Variants in ZCCHC7 observed in about 807,000 individuals in gnomAD.
ZCCHC7 encodes the protein zinc finger CCHC-type containing 7.
In ZCCHC7, 35 loss-of-function variants were observed where a neutral mutation model predicts 52.0. That is an observed-to-expected ratio of 0.67 (90% CI 0.51 to 0.89). The LOEUF (loss-of-function observed/expected upper bound fraction) is 0.89. Ranked by LOEUF, ZCCHC7 falls within the 40% of genes least tolerant of loss-of-function variation. The pLI is 0.00. For missense variants in ZCCHC7, 574 were observed against 649.1 expected, an observed-to-expected ratio of 0.88 and a Z score of 1.26; for synonymous variants, 217 against 221.5, an observed-to-expected ratio of 0.98 and a Z score of 0.18.
intron 2 of ZCCHC7, chr9:37,284,243 A>C (rs1446043335): frequency 1.3e-5 from 2 of 152,192 alleles, no homozygotes; most frequent in African/African-American, 4.8e-5. Flanking sequence ...ACCATGAGCC[A>C]TTGAGTTTTG....
At chr9:37,133,965 C>G (rs1220387421) in intron 2 of ZCCHC7, among the ~76,000 whole-genome samples, 1 of 152,190 alleles carries the variant, frequency 6.6e-6, no homozygotes, top group Non-Finnish European at 1.5e-5. Context: ...CTCAAGTGAT[C>G]CACCGGCCTT....
chr9:37,327,634 A>G (rs539598386), intron 5 of ZCCHC7, among the ~76,000 whole-genome samples, 165 bp from the exon 6 acceptor site: 1 of 152,246 alleles, frequency 6.6e-6, no homozygotes, highest in African/African-American at 2.4e-5. Context: ...GTAAAATTCA[A>G]TTAAACTGTC....
intron 5 of ZCCHC7, among the ~76,000 whole-genome samples, chr9:37,312,577 T>C (rs1174532791): frequency 2.0e-5 from 3 of 152,342 alleles, no homozygotes; most frequent in Non-Finnish European, 4.4e-5. Context: ...CAAGTAACTG[T>C]GTCTTTTTAT....
chr9:37,284,363 A>G (rs1828112321), intron 2 of ZCCHC7: 1 of 152,236 alleles, frequency 6.6e-6, no homozygotes, highest in Admixed American at 6.5e-5. Flanking sequence ...TTCTCTGTGT[A>G]TATACATATT....
chr9:37,283,714 CTT>C (rs1190207641), intron 2 of ZCCHC7, among the ~76,000 whole-genome samples: 1 of 152,078 alleles, frequency 6.6e-6, no homozygotes, highest in Non-Finnish European at 1.5e-5. Flanking sequence ...AATTCTGACT[CTT>C]ATAAAATTAT....
At chr9:37,330,902 T>C (rs1830425796) in intron 6 of ZCCHC7, among the ~76,000 whole-genome samples, 1 of 151,740 alleles carries the variant, frequency 6.6e-6, no homozygotes. Context: ...TAGTAGAGGC[T>C]ATGATTTGAC....
At chr9:37,174,129 T>C in intron 2 of ZCCHC7, among the ~76,000 whole-genome samples, 1 of 152,072 alleles carries the variant, frequency 6.6e-6, no homozygotes. Flanking sequence ...CTGGCCGATA[T>C]GGTGAAACCC....
At chr9:37,216,873 GTTC>G (rs1824536233) in intron 2 of ZCCHC7, among the ~76,000 whole-genome samples, 1 of 152,028 alleles carries the variant, frequency 6.6e-6, no homozygotes, top group Non-Finnish European at 1.5e-5. Context: ...TTTTTAAAAT[GTTC>G]TTAAGTAGTT....
chr9:37,302,356 G>T, intron 3 of ZCCHC7, 125 bp downstream of exon 3: 1 of 764,536 alleles, frequency 1.3e-6, no homozygotes, highest in Non-Finnish European at 2.1e-6. Context: ...TTTAGCATAT[G>T]AGTGATTTAA....
chr9:37,258,696 G>C (rs1173256933), intron 2 of ZCCHC7, among the ~76,000 whole-genome samples: 1 of 144,348 alleles, frequency 6.9e-6, no homozygotes, highest in African/African-American at 2.6e-5. Flanking sequence ...AGGCTGCAGT[G>C]AGCCGTGATT....
At chr9:37,258,634 G>A (rs1248550772) in intron 2 of ZCCHC7, among the ~76,000 whole-genome samples, 2 of 151,590 alleles carry the variant, frequency 1.3e-5, no homozygotes, top group Admixed American at 6.6e-5. Context: ...GGTAGTCCCA[G>A]CTAGCTCCTT....
intron 2 of ZCCHC7, among the ~76,000 whole-genome samples, chr9:37,281,267 C>T (rs562233306): frequency 2.2e-3 from 341 of 152,282 alleles, no homozygotes; most frequent in African/African-American, 8.1e-3. Flanking sequence ...CCTCCTGCCT[C>T]GGCCTCCCAC....
chr9:37,160,856 A>G (rs1460874494), intron 2 of ZCCHC7, among the ~76,000 whole-genome samples: 1 of 152,144 alleles, frequency 6.6e-6, no homozygotes, highest in Non-Finnish European at 1.5e-5. Flanking sequence ...ATTGCACTCT[A>G]TCCTAGGCGA....
At chr9:37,124,203 G>A (rs1419759812) in intron 1 of ZCCHC7, among the ~76,000 whole-genome samples, 1 of 152,056 alleles carries the variant, frequency 6.6e-6, no homozygotes, top group African/African-American at 2.4e-5. Flanking sequence ...TCTTTAGGCT[G>A]TCCCTGATTT....
Position 37,304,246 on chromosome 9 carries a change from A to G in ZCCHC7, c.713A>G (p.Asn238Ser), listed in dbSNP as rs748279636. The change falls in exon 4 of 9, where the codon AAC becomes AGC. Residue 238 changes from asparagine to serine, a missense_variant. By Grantham distance (46) the Asn-to-Ser change is conservative. Transcript: ENST00000336755. Reference sequence around the variant, plus strand: ...TGGACCCAGCGGTACTATTCAGCCAACAAAAACATTATCTGTAGAAATTGT... The same window carrying G: ...TGGACCCAGCGGTACTATTCAGCCAGCAAAAACATTATCTGTAGAAATTGT... Reference protein sequence around the residue: ...GRWTQRYYSANKNIICRNCDK... With the variant: ...GRWTQRYYSASKNIICRNCDK... 82 of 1,614,002 alleles carry G rather than the reference A, an allele frequency of 5.1e-5. No homozygotes were observed. Among genetic ancestry groups the G allele is most frequent in the Non-Finnish European group, 6.7e-5 (79 of 1,179,968 alleles).
At chr9:37,337,847 G>A (rs1830748927) in intron 6 of ZCCHC7, among the ~76,000 whole-genome samples, 1 of 152,118 alleles carries the variant, frequency 6.6e-6, no homozygotes, top group Non-Finnish European at 1.5e-5. Context: ...GTGTCACTAT[G>A]TAGGTAGTCT....
At chr9:37,288,919 T>G (rs1371263556) in intron 2 of ZCCHC7, among the ~76,000 whole-genome samples, 1 of 152,186 alleles carries the variant, frequency 6.6e-6, no homozygotes, top group African/African-American at 2.4e-5. Flanking sequence ...TGACAAATTT[T>G]ATTTCCGGTT....
intron 5 of ZCCHC7, among the ~76,000 whole-genome samples, chr9:37,318,942 CAAAAA>C (rs34576609): frequency 3.7e-5 from 4 of 107,002 alleles, no homozygotes; most frequent in South Asian, 5.8e-4. Context: ...GACTCTGTCT[CAAAAA>C]AAAAAAAAAA....
chr9:37,311,056 T>C (rs1302578640), intron 5 of ZCCHC7, among the ~76,000 whole-genome samples: 1 of 152,002 alleles, frequency 6.6e-6, no homozygotes, highest in African/African-American at 2.4e-5. Flanking sequence ...GTCAGCACTT[T>C]AAAAAACCCC....
Sources: allele counts gnomAD v4.1 joint callset (sites outside exome capture counted in the v4.1 genomes callset), GRCh38; gene constraint gnomAD v4.1.1; transcripts MANE v1.5; gene names NCBI Gene and HGNC (gene_info 2026-07-23, HGNC 2026-07-21).